The following LYPLAL1 variants were observed in gnomAD, a reference collection of about 807,000 sequenced individuals.
LYPLAL1 encodes the protein lysophospholipase-like protein 1.
LYPLAL1 carries 23 observed loss-of-function variants against 19.7 expected under a neutral mutation model. That is an observed-to-expected ratio of 1.17 (90% CI 0.84 to 1.65). The LOEUF (loss-of-function observed/expected upper bound fraction) is 1.65, where lower values mean the gene tolerates loss of function less well. LYPLAL1 is among the 40% of genes most tolerant of loss of function. The probability of loss-of-function intolerance (pLI) is 0.00; values close to 1 mark genes in which losing one functional copy is unlikely to be tolerated. For missense variants in LYPLAL1, 355 were observed against 279.4 expected, an observed-to-expected ratio of 1.27 and a Z score of -1.93; for synonymous variants, 119 against 96.3, an observed-to-expected ratio of 1.24 and a Z score of -1.38.
chr1:219,398,764 A>G, the LYPLAL1 span, among the ~76,000 whole-genome samples: 1 of 152,178 alleles, frequency 6.6e-6, no homozygotes, highest in African/African-American at 2.4e-5. Context: ...GGGTTTGATT[A>G]TGGTATAAGG....
chr1:219,326,417 T>A, the LYPLAL1 span, among the ~76,000 whole-genome samples: 2 of 152,196 alleles, frequency 1.3e-5, no homozygotes, highest in Non-Finnish European at 2.9e-5. Context: ...TCATATTAGT[T>A]TGTGCCTCCA....
chr1:219,198,976 CATAAT>C lies in LYPLAL1; in HGVS notation c.361+5729_361+5733del, dbSNP rs548812854. ...ATATAACTATTCAAAGTATATATATCATAATATATGTGGCAACCAGAAGGTCTATA... is the reference window on the plus strand; with the variant it reads ...ATATAACTATTCAAAGTATATATATCATATGTGGCAACCAGAAGGTCTATA... On this transcript the variant is annotated intron_variant, in intron 3 of 4. Coordinates refer to ENST00000366928, the MANE Select transcript of LYPLAL1 (RefSeq NM_138794.5). Among the ~76,000 whole-genome samples the C allele has an allele frequency of 1.5e-3, 227 of 152,162 alleles. 2 individuals carry two copies. The highest frequency in any genetic ancestry group is 5.3e-3 in the African/African-American group (220 of 41,524).
chr1:219,431,325 T>C, the LYPLAL1 span, among the ~76,000 whole-genome samples: 1 of 152,196 alleles, frequency 6.6e-6, no homozygotes, highest in Non-Finnish European at 1.5e-5. Flanking sequence ...TCCCAAATAC[T>C]TGTGAATGCT....
chr1:219,220,902 C>G, the LYPLAL1 span, among the ~76,000 whole-genome samples: 2 of 152,100 alleles, frequency 1.3e-5, no homozygotes, highest in African/African-American at 4.8e-5. Flanking sequence ...ACTGGAACAC[C>G]AATACACAAC....
At chr1:219,348,652 A>C in the LYPLAL1 span, among the ~76,000 whole-genome samples, 1 of 152,204 alleles carries the variant, frequency 6.6e-6, no homozygotes, top group Non-Finnish European at 1.5e-5. Context: ...ATTACTGTAC[A>C]GTCTATGGTA....
the LYPLAL1 span, among the ~76,000 whole-genome samples, chr1:219,314,471 G>A: frequency 6.6e-6 from 1 of 152,000 alleles, no homozygotes; most frequent in Admixed American, 6.6e-5. Context: ...TTGAGATGGA[G>A]TTTCGCTCTG....
chr1:219,419,038 T>G, the LYPLAL1 span, among the ~76,000 whole-genome samples: 1 of 152,236 alleles, frequency 6.6e-6, no homozygotes, highest in Non-Finnish European at 1.5e-5. Context: ...CTTCAGTTTA[T>G]GTATCCATTC....
the LYPLAL1 span, among the ~76,000 whole-genome samples, chr1:219,406,027 G>A: frequency 3.3e-5 from 5 of 152,186 alleles, no homozygotes; most frequent in Non-Finnish European, 5.9e-5. Context: ...TCCTACAGCT[G>A]CTGACATTAG....
chr1:219,333,573 A>G, the LYPLAL1 span, among the ~76,000 whole-genome samples: 7 of 152,008 alleles, frequency 4.6e-5, no homozygotes, highest in African/African-American at 1.7e-4. Context: ...CCCTTTCTCT[A>G]TTAACCCAAG....
At chr1:219,443,783 A>C in the LYPLAL1 span, among the ~76,000 whole-genome samples, 30 of 152,240 alleles carry the variant, frequency 2.0e-4, no homozygotes, top group Non-Finnish European at 4.1e-4. Context: ...ACACTTAAGA[A>C]AGGTTAACAA....
chr1:219,276,015 G>A, the LYPLAL1 span, among the ~76,000 whole-genome samples: 2 of 151,978 alleles, frequency 1.3e-5, no homozygotes, highest in African/African-American at 2.4e-5. Flanking sequence ...AGTAGAAAAG[G>A]GTGATCCTAA....
chr1:219,174,045 C>A, intron 1 of LYPLAL1, 64 bp downstream of exon 1: 2 of 1,601,060 alleles, frequency 1.2e-6, no homozygotes, highest in Non-Finnish European at 1.7e-6. Flanking sequence ...TCGGTTACCC[C>A]AGTATTGCCC....
At chr1:219,347,283 A>C in the LYPLAL1 span, among the ~76,000 whole-genome samples, 6 of 135,636 alleles carry the variant, frequency 4.4e-5, no homozygotes, top group East Asian at 1.3e-3. Context: ...TTTCCTTTTT[A>C]GCTAGGTCTG....
chr1:219,252,917 C>G, the LYPLAL1 span, among the ~76,000 whole-genome samples: 1 of 152,090 alleles, frequency 6.6e-6, no homozygotes, highest in East Asian at 1.9e-4. Context: ...AGGTCCCAGG[C>G]TTCGTTTGGT....
At chr1:219,203,201 C>T (rs1478348819) in intron 3 of LYPLAL1, among the ~76,000 whole-genome samples, 2 of 151,954 alleles carry the variant, frequency 1.3e-5, no homozygotes, top group African/African-American at 4.8e-5. Flanking sequence ...TAAAACAAAA[C>T]TACTCTCTGT....
At chr1:219,203,590 T>C (rs1374645420) in intron 3 of LYPLAL1, among the ~76,000 whole-genome samples, 3 of 152,184 alleles carry the variant, frequency 2.0e-5, no homozygotes, top group African/African-American at 7.2e-5. Flanking sequence ...AAGTGGCAAC[T>C]GAGTCTTAAA....
the LYPLAL1 span, among the ~76,000 whole-genome samples, chr1:219,353,487 A>T: frequency 6.6e-6 from 1 of 152,218 alleles, no homozygotes; most frequent in Non-Finnish European, 1.5e-5. Flanking sequence ...GCTTTCACCA[A>T]CTGGAATGTA....
the LYPLAL1 span, among the ~76,000 whole-genome samples, chr1:219,299,616 C>T: frequency 1.3e-5 from 2 of 152,192 alleles, no homozygotes; most frequent in African/African-American, 4.8e-5. Flanking sequence ...AATAGTGGAG[C>T]GGCAGCAACT....
chr1:219,364,332 A>T, the LYPLAL1 span, among the ~76,000 whole-genome samples: 1 of 152,104 alleles, frequency 6.6e-6, no homozygotes, highest in African/African-American at 2.4e-5. Flanking sequence ...AGTCAAAATC[A>T]TCTTAACTCC....
Sources: allele counts gnomAD v4.1 joint callset (sites outside exome capture counted in the v4.1 genomes callset), GRCh38; gene constraint gnomAD v4.1.1; transcripts MANE v1.5; gene names NCBI Gene and HGNC (gene_info 2026-07-23, HGNC 2026-07-21).